MTMR7: variants seen among roughly 807,000 people sequenced by gnomAD.
The protein encoded by MTMR7 is phosphatidylinositol-3-phosphate phosphatase MTMR7.
In MTMR7, 76 loss-of-function variants were observed where a neutral mutation model predicts 81.2. The ratio of observed to expected loss-of-function variants is 0.94; its 90% CI spans 0.78 to 1.13. The LOEUF (loss-of-function observed/expected upper bound fraction) is 1.13. MTMR7 is among the 50% of genes most tolerant of loss of function. MTMR7 has a pLI of 0.00. For synonymous variants in MTMR7, 372 were observed against 289.8 expected, an observed-to-expected ratio of 1.28 and a Z score of -2.88; for missense variants, 1,044 against 820.0, an observed-to-expected ratio of 1.27 and a Z score of -3.34.
intron 7 of MTMR7, among the ~76,000 whole-genome samples, chr8:17,327,069 G>A (rs1049742849): frequency 1.3e-5 from 2 of 152,016 alleles, no homozygotes; most frequent in Admixed American, 6.6e-5. Flanking sequence ...GCAATTTTAC[G>A]ACCTGAATTT....
At chr8:17,368,825 T>G (rs893513762) in intron 3 of MTMR7, among the ~76,000 whole-genome samples, 9 of 152,252 alleles carry the variant, frequency 5.9e-5, no homozygotes, top group Non-Finnish European at 1.2e-4. Context: ...GGTGATGGCT[T>G]TGATTCAGTG....
rs778226202 is a variant in MTMR7, at chr8:17,341,410, C to G, written c.685G>C (p.Ala229Pro). 1 of 1,614,210 alleles carries G rather than the reference C, an allele frequency of 6.2e-7. No individual in the cohort carries two copies. Among genetic ancestry groups the G allele is most frequent in the Non-Finnish European group, 8.5e-7 (1 of 1,180,040 alleles). Residue 229 changes from alanine to proline, a missense_variant, in exon 6 of 14, where the codon GCC becomes CCC. By Grantham distance (27) the Ala-to-Pro change is conservative (BLOSUM62 -1). Coordinates refer to ENST00000180173, the MANE Select transcript of MTMR7 (RefSeq NM_004686.5). ...DEQMLQAIRK[A>P]NPGSDFVYVV... is the part of the protein sequence containing the mutation. ...TAAACGAAGTCACTTCCTGGATTGGCTTTCCTAATGGCCTGGAGCATCTGC... is the reference window on the plus strand; with the variant it reads ...TAAACGAAGTCACTTCCTGGATTGGGTTTCCTAATGGCCTGGAGCATCTGC...
At chr8:17,340,710 A>G (rs1216563008) in intron 6 of MTMR7, among the ~76,000 whole-genome samples, 2 of 150,178 alleles carry the variant, frequency 1.3e-5, no homozygotes, top group African/African-American at 4.9e-5. Context: ...TAGAAAACTA[A>G]TAAATTAATA....
At chr8:17,381,673 C>A (rs539778582) in intron 1 of MTMR7, among the ~76,000 whole-genome samples, 1 of 152,160 alleles carries the variant, frequency 6.6e-6, no homozygotes. Context: ...GGCTCCAGAT[C>A]ACTGTCAGTC....
chr8:17,314,270 A>C (rs1390189340), intron 7 of MTMR7, among the ~76,000 whole-genome samples: 4 of 152,138 alleles, frequency 2.6e-5, no homozygotes, highest in Admixed American at 6.5e-5. Context: ...CAATCAAGAA[A>C]TCATAGATTT....
chr8:17,318,055 A>C (rs1055638295), intron 7 of MTMR7, among the ~76,000 whole-genome samples: 13 of 151,984 alleles, frequency 8.6e-5, no homozygotes, highest in African/African-American at 3.1e-4. Context: ...CCCTACATCA[A>C]ACTGAGCTGT....
intron 1 of MTMR7, among the ~76,000 whole-genome samples, chr8:17,376,773 C>T (rs995109019): frequency 4.6e-5 from 7 of 152,142 alleles, no homozygotes; most frequent in Middle Eastern, 3.4e-3. Context: ...ATTATCGCAT[C>T]GTGAAAGTGA....
At chr8:17,302,713 C>A (rs987339900) in intron 12 of MTMR7, among the ~76,000 whole-genome samples, 4 of 76,126 alleles carry the variant, frequency 5.3e-5, no homozygotes, top group South Asian at 6.7e-4. Context: ...ACCCCCCCCC[C>A]CCCGCTTTTT....
chr8:17,361,358 G>T, intron 3 of MTMR7, 84 bp from the exon 4 acceptor site: 1 of 1,508,648 alleles, frequency 6.6e-7, no homozygotes, highest in Non-Finnish European at 9.1e-7. Flanking sequence ...GTCCCACCTG[G>T]AGTGCCCAGA....
At chr8:17,338,864 C>T (rs1563345238) in intron 6 of MTMR7, 1 of 152,010 alleles carries the variant, frequency 6.6e-6, no homozygotes, top group Non-Finnish European at 1.5e-5. Flanking sequence ...CACTGATCTC[C>T]AGGACTGATT....
Position 17,361,132 on chromosome 8 carries a change from C to A in MTMR7, c.453G>T (p.Val151=). 1 of 1,614,160 alleles carries A rather than the reference C, an allele frequency of 6.2e-7. No homozygotes were observed. The highest frequency in any genetic ancestry group is 8.5e-7 in the Non-Finnish European group (1 of 1,180,030). The change falls in exon 4 of 14, where the codon GTG becomes GTT. Residue 151 remains valine (V), a synonymous_variant. Coordinates refer to ENST00000180173, the MANE Select transcript of MTMR7 (RefSeq NM_004686.5). ...ACGCACTCACTCTGTAGTCTCTATT[C>A]ACATCGCTGAGCTGCCAGTAATGAT... The part of the protein sequence containing the change: ...LPNHYWQLSD[V]NRDYRVCDSY...
intron 4 of MTMR7, among the ~76,000 whole-genome samples, chr8:17,358,683 G>A (rs1376993077): frequency 6.6e-6 from 1 of 152,064 alleles, no homozygotes; most frequent in Non-Finnish European, 1.5e-5. Flanking sequence ...TGCAATATAA[G>A]GGACTAGAAA....
intron 1 of MTMR7, 42 bp downstream of exon 1, chr8:17,413,227 A>T: frequency 6.5e-7 from 1 of 1,537,528 alleles, no homozygotes; most frequent in South Asian, 1.2e-5. Flanking sequence ...CTCCTCCCCC[A>T]TCTCCTCCCG....
intron 6 of MTMR7, among the ~76,000 whole-genome samples, chr8:17,338,075 C>G (rs1038518356): frequency 2.6e-5 from 4 of 152,184 alleles, no homozygotes; most frequent in Admixed American, 2.6e-4. Flanking sequence ...CACTCTGGAA[C>G]AAAAATCAAC....
intron 7 of MTMR7, among the ~76,000 whole-genome samples, chr8:17,329,383 A>G (rs1177666970): frequency 2.0e-5 from 3 of 152,232 alleles, no homozygotes; most frequent in Non-Finnish European, 1.5e-5. Context: ...GTAGCTGGAA[A>G]AGTTACGTGC....
intron 1 of MTMR7, among the ~76,000 whole-genome samples, chr8:17,380,023 C>T (rs559355926): frequency 6.6e-6 from 1 of 152,104 alleles, no homozygotes; most frequent in Admixed American, 6.5e-5. Context: ...AGCTGTGCCA[C>T]AAGACAATGA....
Position 17,299,162 on chromosome 8 carries a change from G to A in MTMR7, c.*700C>T, listed in dbSNP as rs993656797. 7 of 152,146 alleles carry A rather than the reference G, an allele frequency of 4.6e-5. No homozygotes were observed. Among genetic ancestry groups the A allele is most frequent in the African/African-American group, 7.2e-5 (3 of 41,440 alleles). The allele number at this position is 152,146 out of a possible 1,614,324, so 9.4% of individuals were successfully genotyped here. A position where few individuals can be genotyped will look rare whatever the true frequency, so the allele number is the denominator to read the frequency against. On this transcript the variant is annotated 3_prime_UTR_variant, in exon 14 of 14. Coordinates refer to ENST00000180173, the MANE Select transcript of MTMR7 (RefSeq NM_004686.5). ...GGAGAATGAATGTTGCTTCTACCTC[G>A]TTAGCTATTAAATCAGTGTTAGAGA... is the stretch of plus-strand genomic sequence containing the variant.
chr8:17,340,133 A>C (rs1819361553), intron 6 of MTMR7, among the ~76,000 whole-genome samples: 1 of 152,182 alleles, frequency 6.6e-6, no homozygotes, highest in Admixed American at 6.5e-5. Context: ...TGTTATTTTT[A>C]ATAGAGATGA....
chr8:17,339,473 A>G (rs1400198771), intron 6 of MTMR7, among the ~76,000 whole-genome samples: 1 of 152,266 alleles, frequency 6.6e-6, no homozygotes, highest in South Asian at 2.1e-4. Flanking sequence ...TTTACTTTCA[A>G]TAGCTCTGAA....
Sources: gnomAD v4.1 joint callset for allele counts (sites outside exome capture counted in the v4.1 genomes callset) on GRCh38, gnomAD v4.1.1 for gene constraint, MANE v1.5 for transcripts, NCBI Gene and HGNC (gene_info 2026-07-23, HGNC 2026-07-21) for gene names.